MGAT5B: variants seen among roughly 807,000 people sequenced by gnomAD.
The protein encoded by MGAT5B is alpha-1,6-mannosylglycoprotein 6-beta-N-acetylglucosaminyltransferase B.
Under a neutral mutation model 95.1 loss-of-function variants are expected in MGAT5B, and 54 were observed. The observed-to-expected ratio is 0.57, with a 90% CI of 0.46 to 0.71. MGAT5B has a LOEUF of 0.71. MGAT5B is among the 30% of genes least tolerant of loss of function. The pLI is 0.00. For missense variants in MGAT5B, 935 were observed against 1,088.6 expected (o/e 0.86, Z 1.99); for synonymous variants, 464 against 451.0 (o/e 1.03, Z -0.36).
rs572768433 is a variant in MGAT5B at position 76,926,544 on chromosome 17, A to G, written c.1158-53A>G. On this transcript the variant is annotated intron_variant, in intron 9 of 17. Coordinates refer to ENST00000569840, the MANE Select transcript of MGAT5B (RefSeq NM_001199172.2). ...CTCGTGGCTGGGGCAACTTCAGCCC[A>G]GGGACACACGGGGAGGTTGCTGACC... The G allele has an allele frequency of 3.1e-5, 48 of 1,556,142 alleles. No individual in the cohort carries two copies. The South Asian group carries it at 5.8e-4, about 19-fold the overall frequency.
At chr17:76,945,143 G>A (rs1969994191) in intron 15 of MGAT5B, among the ~76,000 whole-genome samples, 1 of 151,150 alleles carries the variant, frequency 6.6e-6, no homozygotes, top group African/African-American at 2.4e-5. Flanking sequence ...GGAACAGGAA[G>A]GGGTTGGTTG....
At chr17:76,937,895 ATC>A (rs1969728393) in intron 12 of MGAT5B, 91 bp from the exon 13 acceptor site, 1 of 1,495,124 alleles carries the variant, frequency 6.7e-7, no homozygotes, top group Admixed American at 1.8e-5. Flanking sequence ...CTGGGTCCAC[ATC>A]TTCTGACTTC....
chr17:76,913,874 G>A (rs781434875), intron 8 of MGAT5B: 3 of 440,158 alleles, frequency 6.8e-6, no homozygotes, highest in Admixed American at 2.4e-5. Context: ...ACTTTGGGAG[G>A]TCACGGCGGG....
rs1223326828 is a variant in MGAT5B, at chr17:76,932,698, A to G, written c.1345A>G (p.Thr449Ala). 1 of 1,613,916 alleles carries G rather than the reference A, an allele frequency of 6.2e-7. No homozygotes were observed. Among genetic ancestry groups the G allele is most frequent in the East Asian group, 2.2e-5 (1 of 44,894 alleles). The change falls in exon 11 of 18, where the codon ACG (threonine) becomes GCG (alanine). Residue 449 changes from threonine (T) to alanine (A), a missense_variant. Thr to Ala is a moderately conservative substitution (Grantham distance 58, BLOSUM62 0). This residue lies in a region of MGAT5B where 440 missense variants were observed against 523.6 expected (regional missense o/e 0.84). Transcript: ENST00000569840. ...CTTCGTGTCCGAGGAGCTCAACGAG[A>G]CGGAGAAGCGGCTCATCAAAGGCGG... ...MGFVSEELNE[T>A]EKRLIKGGKA... is the part of the protein sequence containing the mutation.
intron 15 of MGAT5B, among the ~76,000 whole-genome samples, chr17:76,942,195 G>A (rs1969882492): frequency 6.6e-6 from 1 of 152,184 alleles, no homozygotes; most frequent in Admixed American, 6.5e-5. Flanking sequence ...CCCCTGTCCT[G>A]GGCTGGTGGC....
At chr17:76,881,593 C>T (rs1217965841) in intron 2 of MGAT5B, among the ~76,000 whole-genome samples, 1 of 152,208 alleles carries the variant, frequency 6.6e-6, no homozygotes, top group Non-Finnish European at 1.5e-5. Flanking sequence ...GATTCCCGGG[C>T]CCCGGGTCCT....
rs1016874827 is a variant in MGAT5B, at chr17:76,917,206, G to C, written c.1026-7760G>C. 6.6e-6 allele frequency among the ~76,000 whole-genome samples: 1 copy of C among 152,212 alleles called. No individual in the cohort carries two copies. The highest frequency in any genetic ancestry group is 1.5e-5 in the Non-Finnish European group (1 of 68,046). On this transcript the variant is annotated intron_variant, in intron 8 of 17. Transcript: ENST00000569840. The surrounding 1 kb of genome is among the most constrained non-coding windows in gnomAD (Gnocchi z 6.1). ...CACAGGCCAGTGGCTCGGGATACGA[G>C]TGCGCTGACTGATGAGCCAGGCAGG...
At chr17:76,926,020 C>T (rs1053711455) in intron 9 of MGAT5B, among the ~76,000 whole-genome samples, 9 of 152,214 alleles carry the variant, frequency 5.9e-5, no homozygotes, top group African/African-American at 2.2e-4. Context: ...GGAGAAGGGC[C>T]CTGTGGAGCA....
At chr17:76,881,912 A>C (rs1404873590) in intron 2 of MGAT5B, among the ~76,000 whole-genome samples, 2 of 152,228 alleles carry the variant, frequency 1.3e-5, no homozygotes, top group African/African-American at 4.8e-5. Flanking sequence ...TCACATGGCT[A>C]GTGGGCAACG....
rs965931844 is a variant in MGAT5B, at chr17:76,903,316, G to A, written c.459G>A (p.Arg153=). ...LLLHSKVSEG[R]RDQCEAPSDP... is the part of the protein sequence containing the mutation. The stretch of plus-strand genomic sequence containing the variant: ...CTCTCCCTACAGTGTCAGAAGGCCG[G>A]CGGGACCAGTGTGAGGCACCCAGTG... The change falls in exon 5 of 18, where the codon CGG becomes CGA. Residue 153 remains arginine, a synonymous_variant. Transcript: ENST00000569840. The A allele has an allele frequency of 2.5e-6, 4 of 1,611,106 alleles. No individual in the cohort carries two copies. The highest frequency in any genetic ancestry group is 3.4e-6 in the Non-Finnish European group (4 of 1,178,642).
At chr17:76,873,227 C>G (rs1427918077) in intron 2 of MGAT5B, among the ~76,000 whole-genome samples, 1 of 152,230 alleles carries the variant, frequency 6.6e-6, no homozygotes, top group African/African-American at 2.4e-5. Flanking sequence ...GAAGAGGCTG[C>G]CAGTGTTGCT....
In MGAT5B at chr17:76,938,269, C is replaced by A. The variant is rs1969741099; in HGVS notation, c.1584+126C>A. On this transcript the variant is annotated intron_variant, in intron 13 of 17. Transcript: ENST00000569840. The surrounding 1 kb of genome is among the most constrained non-coding windows in gnomAD (Gnocchi z 4.3). ...GACATACCCCAGCATGCTCTGCTGC[C>A]CTGAGCCCCACATCTGGCCAGAGCC... The A allele has an allele frequency of 7.8e-7, 1 of 1,279,104 alleles. No homozygotes were observed. Among genetic ancestry groups the A allele is most frequent in the African/African-American group, 1.5e-5 (1 of 67,512 alleles). The allele number at this position is 1,279,104 out of a possible 1,614,324, so 79.2% of individuals were successfully genotyped here. A position where few individuals can be genotyped will look rare whatever the true frequency, so the allele number is the denominator to read the frequency against.
chr17:76,917,917 G>A lies in MGAT5B; in HGVS notation c.1026-7049G>A, dbSNP rs1346546253. On this transcript the variant is annotated intron_variant, in intron 8 of 17. Transcript: ENST00000569840. The surrounding 1 kb of genome is among the most constrained non-coding windows in gnomAD (Gnocchi z 6.1). ...TCAGCATTTACAGGCATTTATTCTAGAAATTGAGGCCTGTCTGTAAGGAAG... is the reference window on the plus strand; with the variant it reads ...TCAGCATTTACAGGCATTTATTCTAAAAATTGAGGCCTGTCTGTAAGGAAG... 6.6e-6 allele frequency among the ~76,000 whole-genome samples: 1 copy of A among 152,160 alleles called. No individual in the cohort carries two copies. Among genetic ancestry groups the A allele is most frequent in the African/African-American group, 2.4e-5 (1 of 41,440 alleles).
chr17:76,947,967 C>T lies in MGAT5B; in HGVS notation c.2061C>T (p.His687=), dbSNP rs201995998. 4.6e-5 allele frequency: 74 copies of T among 1,612,324 alleles called. No homozygotes were observed. The highest frequency in any genetic ancestry group is 5.6e-5 in the Non-Finnish European group (66 of 1,179,212). The change falls in exon 17 of 18, where the codon CAC becomes CAT. Residue 687 remains histidine, a synonymous_variant. Transcript: ENST00000569840. ...CTCCTGGGGCCTGGCCCCCCGCGCA[C>T]GCCCTGCGGGCCTGGCTGGCCGTGC... The part of the protein sequence containing the change: ...SLAPGAWPPA[H]ALRAWLAVPG...
chr17:76,878,084 G>A (rs1471870561), intron 2 of MGAT5B, among the ~76,000 whole-genome samples: 1 of 152,154 alleles, frequency 6.6e-6, no homozygotes, highest in East Asian at 1.9e-4. Flanking sequence ...TGACTCTGGG[G>A]AAGCGATGTC....
At chr17:76,876,196 A>G (rs1967181309) in intron 2 of MGAT5B, among the ~76,000 whole-genome samples, 1 of 152,110 alleles carries the variant, frequency 6.6e-6, no homozygotes, top group Non-Finnish European at 1.5e-5. Flanking sequence ...ATCCCCACGC[A>G]GTGCCTGGGG....
intron 3 of MGAT5B, among the ~76,000 whole-genome samples, chr17:76,886,417 G>A (rs1341537833): frequency 6.6e-6 from 1 of 152,218 alleles, no homozygotes; most frequent in East Asian, 1.9e-4. Flanking sequence ...GGAGGCCTGG[G>A]CCCTGTGCTT....
At chr17:76,924,200 G>A (rs1260440936) in intron 8 of MGAT5B, 1 of 152,236 alleles carries the variant, frequency 6.6e-6, no homozygotes, top group East Asian at 1.9e-4. Context: ...GGGGATTCTA[G>A]AGGAAGCCAT....
chr17:76,937,813 ATAGGTTTTCAGGGCCAGAGAGGGG>A (rs1224577466), intron 12 of MGAT5B, among the ~76,000 whole-genome samples, 151 bp from the exon 13 acceptor site: 1 of 152,206 alleles, frequency 6.6e-6, no homozygotes, highest in Non-Finnish European at 1.5e-5. Context: ...TCTGCCATTC[ATAGGTTTTCAGGGCCAGAGAGGGG>A]CGGGGCCTTT....
Sources: gnomAD v4.1 joint callset for allele counts (sites outside exome capture counted in the v4.1 genomes callset) on GRCh38, gnomAD v4.1.1 for gene constraint, gnomAD v4.1.1 regional missense constraint, Gnocchi (gnomAD v3.1) non-coding constraint, MANE v1.5 for transcripts, NCBI Gene and HGNC (gene_info 2026-07-23, HGNC 2026-07-21) for gene names.